ST7: variants seen among roughly 807,000 people sequenced by gnomAD.
ST7 encodes suppressor of tumorigenicity 7 protein.
Under a neutral mutation model 78.7 loss-of-function variants are expected in ST7, and 28 were observed. That is an observed-to-expected ratio of 0.36 (90% CI 0.26 to 0.49). The LOEUF (loss-of-function observed/expected upper bound fraction) is 0.49. Ranked by LOEUF, ST7 falls within the 20% of genes least tolerant of loss-of-function variation. ST7 has a pLI of 0.99. For synonymous variants in ST7, 247 were observed against 249.6 expected, an observed-to-expected ratio of 0.99 and a Z score of 0.10; for missense variants, 418 against 696.0, an observed-to-expected ratio of 0.60 and a Z score of 4.49.
intron 2 of ST7, among the ~76,000 whole-genome samples, chr7:117,114,665 G>A (rs1802711796): frequency 1.3e-5 from 2 of 152,174 alleles, no homozygotes; most frequent in Admixed American, 6.5e-5. Context: ...AGCTTTTGCT[G>A]TGTGGAAATC....
intron 1 of ST7, among the ~76,000 whole-genome samples, chr7:117,058,804 G>A (rs949508236): frequency 1.3e-5 from 2 of 152,060 alleles, no homozygotes. Context: ...AGTATCCATT[G>A]ACAGATAAAT....
At chr7:117,041,188 T>C (rs1472099147) in intron 1 of ST7, among the ~76,000 whole-genome samples, 1 of 152,194 alleles carries the variant, frequency 6.6e-6, no homozygotes, top group Non-Finnish European at 1.5e-5. Flanking sequence ...TCGAGATGTG[T>C]CATCTGGCAA....
chr7:116,985,938 C>T (rs1479785868), intron 1 of ST7, among the ~76,000 whole-genome samples: 1 of 152,176 alleles, frequency 6.6e-6, no homozygotes, highest in Non-Finnish European at 1.5e-5. Flanking sequence ...GTTCAAGCGA[C>T]TCTTATGTCG....
chr7:117,187,982 T>C (rs1809421390), intron 10 of ST7, among the ~76,000 whole-genome samples: 1 of 152,144 alleles, frequency 6.6e-6, no homozygotes, highest in South Asian at 2.1e-4. Flanking sequence ...AAGTGCACCA[T>C]TTTATATAGT....
intron 6 of ST7, among the ~76,000 whole-genome samples, chr7:117,133,006 C>T (rs1406939207): frequency 6.6e-6 from 1 of 151,882 alleles, no homozygotes; most frequent in South Asian, 2.1e-4. Context: ...GAATGCCAAT[C>T]GTAGCTGCGG....
At position 117,219,603 on chromosome 7, in the gene ST7, G is replaced by A. The variant is rs1459929103; in HGVS notation, c.1498+427G>A. Among the ~76,000 whole-genome samples the A allele has an allele frequency of 6.6e-6, 1 of 152,224 alleles. No individual in the cohort carries two copies. The highest frequency in any genetic ancestry group is 2.4e-5 in the African/African-American group (1 of 41,458). ...CGCATGAGTCATGGGTGGGAGGCCA[G>A]CACCAGGAAGCTGGCACCATGGCCA... On this transcript the variant is annotated intron_variant, in intron 14 of 15. Coordinates refer to ENST00000323984, the MANE Select transcript of ST7 (RefSeq NM_001369598.1). The surrounding 1 kb of genome is among the most constrained non-coding windows in gnomAD (Gnocchi z 5.1).
chr7:117,130,218 GTGTC>G (rs917819895), intron 4 of ST7, among the ~76,000 whole-genome samples: 3 of 151,884 alleles, frequency 2.0e-5, no homozygotes, highest in African/African-American at 7.2e-5. Context: ...CTTTAGGAAA[GTGTC>G]TATTCATAAT....
intron 1 of ST7, among the ~76,000 whole-genome samples, chr7:117,019,595 C>T (rs571506776): frequency 6.6e-6 from 1 of 152,248 alleles, no homozygotes; most frequent in South Asian, 2.1e-4. Context: ...TAAATATATT[C>T]CTAGAGCAGC....
chr7:117,038,694 C>T (rs1032159702), intron 1 of ST7, among the ~76,000 whole-genome samples: 3 of 152,080 alleles, frequency 2.0e-5, no homozygotes, highest in Admixed American at 1.3e-4. Flanking sequence ...AAACATGTAT[C>T]GAGCACTTGG....
chr7:116,988,290 G>A (rs1258931377), intron 1 of ST7, among the ~76,000 whole-genome samples: 4 of 152,140 alleles, frequency 2.6e-5, no homozygotes, highest in African/African-American at 9.7e-5. Context: ...AGTAATGTTG[G>A]TAGAAAATTA....
intron 9 of ST7, among the ~76,000 whole-genome samples, chr7:117,149,215 C>T (rs971286891): frequency 5.3e-5 from 8 of 152,186 alleles, no homozygotes; most frequent in African/African-American, 1.9e-4. Context: ...CTGGGACCTC[C>T]CACTGAGCCA....
rs182782075 is a variant in ST7, at chr7:117,066,685, T to C, written c.152-33077T>C. Among the ~76,000 whole-genome samples, 430 of 143,648 alleles carry C rather than the reference T, an allele frequency of 3.0e-3. 3 individuals are homozygous for C. Among genetic ancestry groups the C allele is most frequent in the African/African-American group, 0.011 (414 of 38,444 alleles). 94.2% of individuals were successfully genotyped at this position (143,648 alleles called of 152,430 possible). A position where few individuals can be genotyped will look rare whatever the true frequency, so the allele number is the denominator to read the frequency against. ...CTGAGGCAGGAGAATCGCTTGAACC[T>C]GGAAGGCAGAGATTGCAGTGAGCCG... On this transcript the variant is annotated intron_variant, in intron 1 of 15. Coordinates refer to ENST00000323984, the MANE Select transcript of ST7 (RefSeq NM_001369598.1).
chr7:117,200,577 A>G (rs1047358840), intron 12 of ST7, among the ~76,000 whole-genome samples: 3 of 152,124 alleles, frequency 2.0e-5, no homozygotes, highest in Non-Finnish European at 4.4e-5. Flanking sequence ...CCCGCCCAAG[A>G]GGTAGTGGAG....
Position 117,209,813 on chromosome 7 carries a change from C to T in ST7, c.1281C>T (p.Ile427=), listed in dbSNP as rs1371994401. 4 of 1,613,726 alleles carry T rather than the reference C, an allele frequency of 2.5e-6. No individual in the cohort carries two copies. Among genetic ancestry groups the T allele is most frequent in the African/African-American group, 2.7e-5 (2 of 74,890 alleles). Residue 427 remains isoleucine (I), a synonymous_variant, in exon 13 of 16, where the codon ATC becomes ATT. Coordinates refer to ENST00000323984, the MANE Select transcript of ST7 (RefSeq NM_001369598.1). Reference sequence around the variant, plus strand: ...ACCTACTAGAAATGAAAAGCTTAATCCTACCCCCAGAACATATCCTGAAGA... The same window carrying T: ...ACCTACTAGAAATGAAAAGCTTAATTCTACCCCCAGAACATATCCTGAAGA... The part of the protein sequence containing the change: ...PKYLLEMKSL[I]LPPEHILKRG...
chr7:117,221,095 C>T (rs1335787425), intron 14 of ST7, among the ~76,000 whole-genome samples: 1 of 152,146 alleles, frequency 6.6e-6, no homozygotes, highest in Non-Finnish European at 1.5e-5. Flanking sequence ...CCCCATCGAC[C>T]CAGGCAGTCT....
chr7:117,212,142 C>T (rs1792347727), intron 13 of ST7, among the ~76,000 whole-genome samples: 1 of 152,194 alleles, frequency 6.6e-6, no homozygotes, highest in Admixed American at 6.5e-5. Flanking sequence ...TTACTATATG[C>T]TAAATGCTTG....
intron 2 of ST7, among the ~76,000 whole-genome samples, chr7:117,104,630 G>A (rs913581037): frequency 6.6e-6 from 1 of 152,180 alleles, no homozygotes; most frequent in African/African-American, 2.4e-5. Context: ...ATATCCAAAA[G>A]AAAGGAAATC....
chr7:117,144,148 C>T (rs1428670421), intron 9 of ST7: 1 of 152,064 alleles, frequency 6.6e-6, no homozygotes, highest in African/African-American at 2.4e-5. Flanking sequence ...AGTGACATTG[C>T]TGTTATACTT....
intron 12 of ST7, among the ~76,000 whole-genome samples, chr7:117,192,460 C>T (rs965710705): frequency 6.6e-6 from 1 of 152,174 alleles, no homozygotes; most frequent in Non-Finnish European, 1.5e-5. Context: ...GATATAAGCC[C>T]TGCCTATCTT....
Sources: gnomAD v4.1 joint callset for allele counts (sites outside exome capture counted in the v4.1 genomes callset) on GRCh38, gnomAD v4.1.1 for gene constraint, Gnocchi (gnomAD v3.1) non-coding constraint, MANE v1.5 for transcripts, NCBI Gene and HGNC (gene_info 2026-07-23, HGNC 2026-07-21) for gene names.